The following KCND2 variants were observed in gnomAD, a reference collection of about 807,000 sequenced individuals.
KCND2 encodes the protein A-type voltage-gated potassium channel KCND2.
Under a neutral mutation model 54.4 loss-of-function variants are expected in KCND2, and 16 were observed. The observed-to-expected ratio is 0.29, with a 90% CI of 0.20 to 0.45. The LOEUF (loss-of-function observed/expected upper bound fraction) is 0.45, where lower values mean the gene tolerates loss of function less well. Ranked by LOEUF, KCND2 falls within the 20% of genes least tolerant of loss-of-function variation. The pLI, the probability that KCND2 is intolerant of heterozygous loss-of-function variation, is 1.00. For synonymous variants in KCND2, 317 were observed against 310.7 expected (o/e 1.02, Z -0.21); for missense variants, 486 against 824.2 (o/e 0.59, Z 5.02).
intron 1 of KCND2, among the ~76,000 whole-genome samples, chr7:120,653,545 G>T (rs1434665420): frequency 6.6e-6 from 1 of 152,092 alleles, no homozygotes; most frequent in South Asian, 2.1e-4. Flanking sequence ...CATGTGTTTG[G>T]TACCTGAAAG....
At chr7:120,619,841 G>A (rs1407181999) in intron 1 of KCND2, among the ~76,000 whole-genome samples, 2 of 152,112 alleles carry the variant, frequency 1.3e-5, no homozygotes, top group East Asian at 3.9e-4. Context: ...ATTATTCTTG[G>A]CTTATGATCT....
intron 1 of KCND2, among the ~76,000 whole-genome samples, chr7:120,620,706 G>A (rs1472804517): frequency 6.6e-6 from 1 of 152,136 alleles, no homozygotes; most frequent in African/African-American, 2.4e-5. Context: ...TACTAGGCAA[G>A]TAAAGACCAT....
chr7:120,366,994 A>G (rs534350196), intron 1 of KCND2, among the ~76,000 whole-genome samples: 1 of 152,062 alleles, frequency 6.6e-6, no homozygotes, highest in Non-Finnish European at 1.5e-5. Flanking sequence ...GCACTTTAAA[A>G]CTTAAAAATT....
At chr7:120,325,775 G>A (rs558311930) in intron 1 of KCND2, among the ~76,000 whole-genome samples, 1 of 152,186 alleles carries the variant, frequency 6.6e-6, no homozygotes, top group Admixed American at 6.6e-5. Context: ...TAAAAAAAGT[G>A]GTGTTGGTTT....
chr7:120,486,510 G>C (rs1802695887), intron 1 of KCND2, among the ~76,000 whole-genome samples: 2 of 152,082 alleles, frequency 1.3e-5, no homozygotes, highest in Admixed American at 1.3e-4. Flanking sequence ...GGGTACAGGG[G>C]AAGAGGACCA....
intron 1 of KCND2, among the ~76,000 whole-genome samples, chr7:120,347,576 G>A (rs1373671096): frequency 6.6e-6 from 1 of 151,938 alleles, no homozygotes; most frequent in African/African-American, 2.4e-5. Context: ...TGGCCAACAT[G>A]GTGAAACCCC....
chr7:120,579,626 AAATAAATAAATAAAT>A (rs1227216486), intron 1 of KCND2, among the ~76,000 whole-genome samples: 2 of 148,108 alleles, frequency 1.4e-5, no homozygotes, highest in Admixed American at 6.7e-5. Flanking sequence ...ATAAATAAAT[AAATAAATAAATAAAT>A]AAATAAAATA....
intron 1 of KCND2, among the ~76,000 whole-genome samples, chr7:120,703,492 T>G (rs763714340): frequency 7.8e-4 from 118 of 152,212 alleles, no homozygotes; most frequent in Non-Finnish European, 1.5e-3. Context: ...GATGTGGCTA[T>G]GTTGGCAGAG....
intron 1 of KCND2, among the ~76,000 whole-genome samples, chr7:120,720,007 A>C (rs1195899586): frequency 6.6e-6 from 1 of 152,176 alleles, no homozygotes; most frequent in Non-Finnish European, 1.5e-5. Flanking sequence ...GATCTAATTT[A>C]CATCTTTATA....
At chr7:120,593,569 C>A (rs1334523277) in intron 1 of KCND2, among the ~76,000 whole-genome samples, 1 of 152,114 alleles carries the variant, frequency 6.6e-6, no homozygotes, top group Non-Finnish European at 1.5e-5. Flanking sequence ...AAGAAAAATT[C>A]ATGCAAACAA....
chr7:120,601,432 C>T (rs909787325), intron 1 of KCND2, among the ~76,000 whole-genome samples: 93 of 152,100 alleles, frequency 6.1e-4, no homozygotes, highest in African/African-American at 1.9e-3. Flanking sequence ...GAAGAAAGAT[C>T]GAAAGGACAT....
chr7:120,646,220 A>T (rs1217792458), intron 1 of KCND2, among the ~76,000 whole-genome samples: 2 of 152,168 alleles, frequency 1.3e-5, no homozygotes, highest in Non-Finnish European at 2.9e-5. Flanking sequence ...TGAATGAGCA[A>T]TGAAGAGAAA....
chr7:120,374,297 G>T, intron 1 of KCND2, among the ~76,000 whole-genome samples: 1 of 151,578 alleles, frequency 6.6e-6, no homozygotes, highest in Admixed American at 6.6e-5. Flanking sequence ...ATTCAAGTCC[G>T]AAAGTTATGG....
chr7:120,746,051 T>C, intron 5 of KCND2, 24 bp downstream of exon 5: 1 of 1,609,966 alleles, frequency 6.2e-7, no homozygotes. Context: ...ATCTGTGTTG[T>C]CTACACACCT....
intron 1 of KCND2, among the ~76,000 whole-genome samples, chr7:120,336,529 G>A (rs549132093): frequency 6.6e-6 from 1 of 152,188 alleles, no homozygotes; most frequent in African/African-American, 2.4e-5. Flanking sequence ...TTAGTATAGG[G>A]ATGTAGATAG....
intron 1 of KCND2, among the ~76,000 whole-genome samples, chr7:120,335,727 C>T (rs1800142469): frequency 6.6e-6 from 1 of 152,030 alleles, no homozygotes; most frequent in Admixed American, 6.6e-5. Context: ...CCTTGTGATC[C>T]ACCTGCCTCG....
At chr7:120,598,215 T>G (rs182522597) in intron 1 of KCND2, among the ~76,000 whole-genome samples, 1 of 152,336 alleles carries the variant, frequency 6.6e-6, no homozygotes, top group East Asian at 1.9e-4. Context: ...TAATATCATT[T>G]ATTTTTGTGT....
At chr7:120,727,595 C>T (rs891780415) in intron 1 of KCND2, among the ~76,000 whole-genome samples, 1 of 152,124 alleles carries the variant, frequency 6.6e-6, no homozygotes, top group African/African-American at 2.4e-5. Flanking sequence ...AAATAATCTT[C>T]AATATTTGGC....
chr7:120,660,417 T>C (rs1791851622), intron 1 of KCND2, among the ~76,000 whole-genome samples: 1 of 152,230 alleles, frequency 6.6e-6, no homozygotes, highest in African/African-American at 2.4e-5. Flanking sequence ...AATCTTCAAT[T>C]AAGAACGGAT....
Sources: gnomAD v4.1 joint callset for allele counts (sites outside exome capture counted in the v4.1 genomes callset) on GRCh38, gnomAD v4.1.1 for gene constraint, MANE v1.5 for transcripts, NCBI Gene and HGNC (gene_info 2026-07-23, HGNC 2026-07-21) for gene names.